Variants in RAB3GAP2 observed in about 807,000 individuals in gnomAD.
The protein encoded by RAB3GAP2 is RAB3 GTPase activating non-catalytic protein subunit 2.
A neutral mutation model predicts 185.3 loss-of-function variants in RAB3GAP2; 87 were observed. The ratio of observed to expected loss-of-function variants is 0.47; its 90% CI spans 0.39 to 0.56. RAB3GAP2 has a LOEUF of 0.56. Ranked by LOEUF, RAB3GAP2 falls within the 20% of genes least tolerant of loss-of-function variation. RAB3GAP2 has a pLI of 0.00. For synonymous variants in RAB3GAP2, 554 were observed against 576.1 expected (o/e 0.96, Z 0.55); for missense variants, 1,492 against 1,638.2 (o/e 0.91, Z 1.54).
intron 6 of RAB3GAP2, 134 bp downstream of exon 6, chr1:220,210,667 G>A (rs926663045): frequency 6.2e-5 from 67 of 1,083,800 alleles, no homozygotes; most frequent in African/African-American, 1.6e-5. Flanking sequence ...GGCCTATCCC[G>A]GCCTCTACCC....
chr1:220,165,271 T>C (rs1658042736), intron 26 of RAB3GAP2, among the ~76,000 whole-genome samples: 1 of 150,142 alleles, frequency 6.7e-6, no homozygotes, highest in African/African-American at 2.5e-5. Flanking sequence ...TAAATTCTAG[T>C]GAGGGACCTA....
chr1:220,271,995 A>C (rs1660344125), intron 1 of RAB3GAP2, among the ~76,000 whole-genome samples: 1 of 151,812 alleles, frequency 6.6e-6, no homozygotes, highest in South Asian at 2.1e-4. Flanking sequence ...GTTTTTAGCC[A>C]GGGGTCAGAG....
chr1:220,154,124 T>C lies in RAB3GAP2; in HGVS notation c.3556-67A>G, dbSNP rs1657814417. ...TTAAGGGGGGAGAGGGAGAAAGATT[T>C]GTTTAAAACTTAATAATAACTTATG... On this transcript the variant is annotated intron_variant, in intron 31 of 34. Coordinates refer to ENST00000358951, the MANE Select transcript of RAB3GAP2 (RefSeq NM_012414.4). 6 of 1,587,566 alleles carry C rather than the reference T, an allele frequency of 3.8e-6. No homozygotes were observed. The South Asian group carries it at 6.9e-5, about 18-fold the overall frequency.
At chr1:220,195,000 A>T in intron 12 of RAB3GAP2, 78 bp downstream of exon 12, 1 of 1,389,294 alleles carries the variant, frequency 7.2e-7, no homozygotes, top group Non-Finnish European at 1.0e-6. Flanking sequence ...CAGCAAATCA[A>T]CCAAGCACAC....
intron 31 of RAB3GAP2, among the ~76,000 whole-genome samples, chr1:220,156,544 TA>T (rs543590166): frequency 5.6e-4 from 85 of 152,280 alleles, no homozygotes; most frequent in African/African-American, 2.0e-3. Flanking sequence ...ATAGAACTAA[TA>T]CAATTAAACC....
chr1:220,189,020 G>A (rs888705317), intron 17 of RAB3GAP2, among the ~76,000 whole-genome samples: 29 of 151,934 alleles, frequency 1.9e-4, no homozygotes, highest in African/African-American at 6.8e-4. Context: ...CAGGAATGAC[G>A]TAACTATAAA....
At chr1:220,153,473 G>C (rs1657800172) in intron 32 of RAB3GAP2, 67 bp from the exon 33 acceptor site, 1 of 1,409,048 alleles carries the variant, frequency 7.1e-7, no homozygotes, top group African/African-American at 1.4e-5. Flanking sequence ...CCTAAACCAA[G>C]TATTGTTAGC....
chr1:220,182,404 G>T, intron 20 of RAB3GAP2, 50 bp from the exon 21 acceptor site: 5 of 1,609,446 alleles, frequency 3.1e-6, no homozygotes, highest in Non-Finnish European at 4.2e-6. Flanking sequence ...TTACCATTTG[G>T]ACTAACAATC....
In RAB3GAP2 at chr1:220,155,963, T is replaced by C. The variant is rs1197225274; in HGVS notation, c.3555+1307A>G. Among the ~76,000 whole-genome samples the C allele has an allele frequency of 2.0e-5, 3 of 152,104 alleles. No homozygotes were observed. In the East Asian group the frequency reaches 5.8e-4, roughly 29 times the overall value. Reference sequence around the variant, plus strand: ...TCATTCAAAATCTATACTTTTTTTTTTTTTTGAGACAGAGTCTCACTCTGT... The same window carrying C: ...TCATTCAAAATCTATACTTTTTTTTCTTTTTGAGACAGAGTCTCACTCTGT... On this transcript the variant is annotated intron_variant, in intron 31 of 34. Coordinates refer to ENST00000358951, the MANE Select transcript of RAB3GAP2 (RefSeq NM_012414.4).
intron 1 of RAB3GAP2, chr1:220,253,621 C>A: frequency 6.3e-7 from 1 of 1,578,592 alleles, no homozygotes; most frequent in Non-Finnish European, 8.7e-7. Flanking sequence ...TGAGCGAGTG[C>A]TGTGCTTTCA....
intron 1 of RAB3GAP2, among the ~76,000 whole-genome samples, chr1:220,259,927 G>A (rs923510651): frequency 6.6e-6 from 1 of 152,074 alleles, no homozygotes; most frequent in Non-Finnish European, 1.5e-5. Context: ...ACTGGGCAAA[G>A]GATATGAACA....
chr1:220,167,595 T>C lies in RAB3GAP2; in HGVS notation c.2887A>G (p.Arg963Gly), dbSNP rs1658094144. Reference protein sequence around the residue: ...PEVLKLANEERDAENPDEPKE... With the variant: ...PEVLKLANEEGDAENPDEPKE... ...GGTTCATCTGGGTTTTCTGCATCTC[T>C]TTCTTCATTAGCCAGTTTTAATACT... is the stretch of plus-strand genomic sequence containing the variant. The change falls in exon 25 of 35, where the codon AGA becomes GGA. Residue 963 changes from arginine to glycine, a missense_variant. Physicochemically the swap from Arg to Gly is moderately radical, Grantham distance 125. This residue lies in a region of RAB3GAP2 where 681 missense variants were observed against 689.1 expected (regional missense o/e 0.99). Coordinates refer to ENST00000358951, the MANE Select transcript of RAB3GAP2 (RefSeq NM_012414.4). 1 of 1,614,210 alleles carries C rather than the reference T, an allele frequency of 6.2e-7. No individual in the cohort carries two copies. Among genetic ancestry groups the C allele is most frequent in the Non-Finnish European group, 8.5e-7 (1 of 1,180,014 alleles).
chr1:220,240,026 G>A (rs969468201), intron 1 of RAB3GAP2, among the ~76,000 whole-genome samples: 1 of 149,130 alleles, frequency 6.7e-6, no homozygotes, highest in Non-Finnish European at 1.5e-5. Context: ...CATCATTCTT[G>A]TGTCTGTAGT....
At chr1:220,187,945 G>A (rs942377336) in intron 17 of RAB3GAP2, among the ~76,000 whole-genome samples, 7 of 152,018 alleles carry the variant, frequency 4.6e-5, no homozygotes, top group Non-Finnish European at 8.8e-5. Flanking sequence ...CTTGTGACTG[G>A]TACCTGAAGT....
At chr1:220,205,149 C>T (rs77981323) in intron 8 of RAB3GAP2, among the ~76,000 whole-genome samples, 10,492 of 152,070 alleles carry the variant, frequency 0.069, 484 homozygotes, top group South Asian at 0.12. Flanking sequence ...GTACATAAAA[C>T]AATAGTGTAT....
intron 32 of RAB3GAP2, 56 bp from the exon 33 acceptor site, chr1:220,153,462 A>G (rs1657799952): frequency 6.8e-7 from 1 of 1,475,058 alleles, no homozygotes; most frequent in Admixed American, 1.7e-5. Flanking sequence ...ATTTTAAAAT[A>G]CCTAAACCAA....
chr1:220,170,943 C>T lies in RAB3GAP2; in HGVS notation c.2755G>A (p.Ala919Thr), dbSNP rs1176338129. 5.6e-6 allele frequency: 9 copies of T among 1,614,036 alleles called. No individual in the cohort carries two copies. Among genetic ancestry groups the T allele is most frequent in the Non-Finnish European group, 6.8e-6 (8 of 1,180,000 alleles). Residue 919 changes from alanine to threonine, a missense_variant, in exon 24 of 35, where the codon GCT becomes ACT. Ala to Thr is a moderately conservative substitution (Grantham distance 58). This residue lies in a region of RAB3GAP2 where 681 missense variants were observed against 689.1 expected (regional missense o/e 0.99). Coordinates refer to ENST00000358951, the MANE Select transcript of RAB3GAP2 (RefSeq NM_012414.4). ...ACAGAAAGCCTTGGAAGTGGCTCAG[C>T]CTGCAGTGATGACACTTTGGAGGTC... is the stretch of plus-strand genomic sequence containing the variant. The part of the protein sequence containing the change: ...TQTSKVSSLQ[A>T]EPLPRLSVKK...
chr1:220,212,964 T>A lies in RAB3GAP2; in HGVS notation c.309A>T (p.Lys103Asn). ...REQKAVFLVP[K>N]WKYSDKGKEE... ...CCTTTCCTTTATCACTATATTTCCATTTTGCTGTAAGAATTAAGATATCAT... is the reference window on the plus strand; with the variant it reads ...CCTTTCCTTTATCACTATATTTCCAATTTGCTGTAAGAATTAAGATATCAT... The change falls in exon 4 of 35, where the codon AAA (lysine) becomes AAT (asparagine). Residue 103 changes from lysine (K) to asparagine (N), a missense_variant. Lys to Asn is a moderately conservative substitution (Grantham distance 94). Coordinates refer to ENST00000358951, the MANE Select transcript of RAB3GAP2 (RefSeq NM_012414.4). 6.2e-7 allele frequency: 1 copy of A among 1,607,444 alleles called. No individual in the cohort carries two copies. The highest frequency in any genetic ancestry group is 8.5e-7 in the Non-Finnish European group (1 of 1,174,932).
intron 4 of RAB3GAP2, among the ~76,000 whole-genome samples, chr1:220,212,283 G>A (rs1054918230): frequency 6.6e-6 from 1 of 152,156 alleles, no homozygotes; most frequent in Admixed American, 6.5e-5. Context: ...AATAAAATTA[G>A]TAATGGAGAA....
Sources: gnomAD v4.1 joint callset for allele counts (sites outside exome capture counted in the v4.1 genomes callset) on GRCh38, gnomAD v4.1.1 for gene constraint, gnomAD v4.1.1 regional missense constraint, MANE v1.5 for transcripts, NCBI Gene and HGNC (gene_info 2026-07-23, HGNC 2026-07-21) for gene names.